The following PRMT3 variants were observed in gnomAD, a reference collection of about 807,000 sequenced individuals.
The protein encoded by PRMT3 is protein arginine methyltransferase 3.
PRMT3 carries 62 observed loss-of-function variants against 71.9 expected under a neutral mutation model. The ratio of observed to expected loss-of-function variants is 0.86; its 90% CI spans 0.70 to 1.07. PRMT3 has a LOEUF of 1.07. PRMT3 is among the 50% of genes least tolerant of loss of function. The pLI, the probability that PRMT3 is intolerant of heterozygous loss-of-function variation, is 0.00. For synonymous variants in PRMT3, 213 were observed against 220.4 expected, an observed-to-expected ratio of 0.97 and a Z score of 0.30; for missense variants, 663 against 643.0, an observed-to-expected ratio of 1.03 and a Z score of -0.34.
At chr11:20,427,398 A>G (rs192645587) in intron 10 of PRMT3, among the ~76,000 whole-genome samples, 2 of 152,342 alleles carry the variant, frequency 1.3e-5, no homozygotes, top group East Asian at 1.9e-4. Flanking sequence ...TCTTTTGTCA[A>G]GACAGAATGT....
intron 7 of PRMT3, among the ~76,000 whole-genome samples, chr11:20,400,941 T>C (rs1420229942): frequency 1.3e-5 from 2 of 149,812 alleles, no homozygotes; most frequent in Non-Finnish European, 3.0e-5. Flanking sequence ...AAGGCTACTC[T>C]TTTATTTGCT....
intron 9 of PRMT3, among the ~76,000 whole-genome samples, chr11:20,423,873 TAAAAA>T (rs58636447): frequency 5.2e-4 from 14 of 27,116 alleles, no homozygotes; most frequent in East Asian, 5.1e-3. Flanking sequence ...GATTCTCTCT[TAAAAA>T]AAAAAAAAAA....
intron 15 of PRMT3, among the ~76,000 whole-genome samples, chr11:20,507,881 T>C (rs971665384): frequency 4.7e-5 from 7 of 149,484 alleles, no homozygotes; most frequent in Non-Finnish European, 8.9e-5. Context: ...CTGAGGCGGG[T>C]GGATCACCTG....
chr11:20,417,538 C>G (rs141384122), intron 9 of PRMT3, among the ~76,000 whole-genome samples: 6 of 152,110 alleles, frequency 3.9e-5, no homozygotes, highest in African/African-American at 1.4e-4. Context: ...GAACATAGAC[C>G]GTATCTTTTA....
At position 20,469,716 on chromosome 11, in the gene PRMT3, A is replaced by G. The variant is rs574780357; in HGVS notation, c.1347+5170A>G. Among the ~76,000 whole-genome samples, 5 of 152,276 alleles carry G rather than the reference A, an allele frequency of 3.3e-5. No individual in the cohort carries two copies. The South Asian group carries it at 1.0e-3, about 32-fold the overall frequency. On this transcript the variant is annotated intron_variant, in intron 13 of 15. Transcript: ENST00000331079. ...CACCCAAAATTTTAGATTTTGGAGC[A>G]TTTCAGGTTTTCAGATTATGAATAT...
intron 5 of PRMT3, among the ~76,000 whole-genome samples, chr11:20,395,189 T>C (rs933561355): frequency 6.6e-6 from 1 of 152,146 alleles, no homozygotes; most frequent in African/African-American, 2.4e-5. Context: ...TAGGTTTTTT[T>C]CTTTCTACTT....
chr11:20,501,875 CTTTA>C (rs1477298626), intron 15 of PRMT3, among the ~76,000 whole-genome samples: 5 of 152,076 alleles, frequency 3.3e-5, no homozygotes, highest in African/African-American at 7.2e-5. Context: ...GGCTATTTCT[CTTTA>C]TTTATCCATA....
chr11:20,460,343 G>A (rs1234957107), intron 11 of PRMT3, among the ~76,000 whole-genome samples: 1 of 152,080 alleles, frequency 6.6e-6, no homozygotes, highest in African/African-American at 2.4e-5. Flanking sequence ...TTTAATTCAT[G>A]AGTACCCTAA....
chr11:20,492,708 A>C (rs1042958086), intron 13 of PRMT3, among the ~76,000 whole-genome samples: 1 of 152,198 alleles, frequency 6.6e-6, no homozygotes, highest in Non-Finnish European at 1.5e-5. Context: ...ATGGTATTTA[A>C]ATTTAACCAA....
intron 10 of PRMT3, among the ~76,000 whole-genome samples, chr11:20,432,572 A>T (rs1849676871): frequency 6.6e-6 from 1 of 152,116 alleles, no homozygotes; most frequent in African/African-American, 2.4e-5. Flanking sequence ...TTGAATATGT[A>T]TACCCGGTAG....
At chr11:20,476,209 C>T (rs994742062) in intron 13 of PRMT3, among the ~76,000 whole-genome samples, 5 of 151,598 alleles carry the variant, frequency 3.3e-5, no homozygotes, top group African/African-American at 2.4e-5. Flanking sequence ...AAATATTAGC[C>T]AGGCGTGATG....
chr11:20,438,598 A>G (rs1238528688), intron 10 of PRMT3, among the ~76,000 whole-genome samples: 1 of 152,010 alleles, frequency 6.6e-6, no homozygotes, highest in Non-Finnish European at 1.5e-5. Flanking sequence ...AGCATACTGC[A>G]TCAGCTCAGC....
At chr11:20,465,531 C>T (rs981782980) in intron 13 of PRMT3, among the ~76,000 whole-genome samples, 1 of 151,932 alleles carries the variant, frequency 6.6e-6, no homozygotes, top group African/African-American at 2.4e-5. Flanking sequence ...ATACACAAGA[C>T]TTCATGTCTT....
chr11:20,433,776 G>A (rs1024655222), intron 10 of PRMT3, among the ~76,000 whole-genome samples: 3 of 151,916 alleles, frequency 2.0e-5, no homozygotes, highest in East Asian at 3.9e-4. Flanking sequence ...ATGTACCGCC[G>A]TGCTGGCTAA....
intron 2 of PRMT3, among the ~76,000 whole-genome samples, chr11:20,388,481 A>G (rs1376751753): frequency 6.6e-6 from 1 of 152,226 alleles, no homozygotes; most frequent in African/African-American, 2.4e-5. Flanking sequence ...ATGGGGTCTA[A>G]GAATATTCTG....
At chr11:20,395,779 A>G (rs1042711244) in intron 5 of PRMT3, 24 bp from the exon 6 acceptor site, 9 of 1,601,290 alleles carry the variant, frequency 5.6e-6, no homozygotes, top group South Asian at 2.2e-5. Flanking sequence ...ATGGCCTGAT[A>G]ATAATGTCCA....
intron 5 of PRMT3, 83 bp downstream of exon 5, chr11:20,393,082 A>G: frequency 2.4e-6 from 2 of 833,214 alleles, no homozygotes; most frequent in Non-Finnish European, 1.9e-6. Flanking sequence ...GTTTTAGGAA[A>G]AGACATGCTT....
intron 10 of PRMT3, among the ~76,000 whole-genome samples, chr11:20,434,813 T>C (rs1336830320): frequency 6.6e-6 from 1 of 152,208 alleles, no homozygotes; most frequent in Non-Finnish European, 1.5e-5. Flanking sequence ...AGTTGGGAAA[T>C]GTGAAACCTC....
rs533437940 is a variant in PRMT3 at position 20,398,044 on chromosome 11, G to A, written c.705+323G>A. Among the ~76,000 whole-genome samples the A allele has an allele frequency of 2.0e-5, 3 of 150,626 alleles. No homozygotes were observed. The East Asian group carries it at 5.8e-4, about 29-fold the overall frequency. On this transcript the variant is annotated intron_variant, in intron 7 of 15. Transcript: ENST00000331079. ...AAAAAAAAAAAAAAAGATTACAGAG[G>A]CATCAGTCATTTGTACATTCCATTT...
Sources: gnomAD v4.1 joint callset for allele counts (sites outside exome capture counted in the v4.1 genomes callset) on GRCh38, gnomAD v4.1.1 for gene constraint, MANE v1.5 for transcripts, NCBI Gene and HGNC (gene_info 2026-07-23, HGNC 2026-07-21) for gene names.